GNPNAT1: variants seen among roughly 807,000 people sequenced by gnomAD.
GNPNAT1 encodes glucosamine-phosphate N-acetyltransferase 1.
A neutral mutation model predicts 19.8 loss-of-function variants in GNPNAT1; 11 were observed. The observed-to-expected ratio is 0.56, with a 90% confidence interval of 0.35 to 0.92. GNPNAT1 has a LOEUF of 0.92. GNPNAT1 is among the 40% of genes least tolerant of loss of function. The pLI is 0.01. For missense variants in GNPNAT1, 157 were observed against 211.0 expected (o/e 0.74, Z 1.59); for synonymous variants, 71 against 72.3 (o/e 0.98, Z 0.09).
At position 52,777,906 on chromosome 14, in the gene GNPNAT1, AAT is replaced by A. The variant is rs1882776645; in HGVS notation, c.*403_*404del. ...TATTGAGATGTTTCTTTGAAACAAA[AAT>A]ATTTAATTTTATGCATGTGATAAAC... On this transcript the variant is annotated 3_prime_UTR_variant, in exon 6 of 6. Coordinates refer to ENST00000216410, the MANE Select transcript of GNPNAT1 (RefSeq NM_198066.4). 6.5e-6 allele frequency: 1 copy of A among 153,258 alleles called. No individual in the cohort carries two copies. Among genetic ancestry groups the A allele is most frequent in the African/African-American group, 2.4e-5 (1 of 41,480 alleles). 9.5% of individuals were successfully genotyped at this position (153,258 alleles called of 1,614,324 possible). A position where few individuals can be genotyped will look rare whatever the true frequency, so the allele number is the denominator to read the frequency against.
At chr14:52,785,219 C>T (rs953695519) in intron 1 of GNPNAT1, among the ~76,000 whole-genome samples, 3 of 151,692 alleles carry the variant, frequency 2.0e-5, no homozygotes, top group Admixed American at 2.0e-4. Flanking sequence ...TGAGCCACTG[C>T]GCCCGGCTAT....
rs749331622 is a variant in GNPNAT1 at position 52,784,502 on chromosome 14, T to C, written c.149A>G (p.Asn50Ser). ...CACAGGATTTTGTACATTACCTCTA[T>C]TTAAGTCAGCAGTACAAAGAGGCCT... ...VLRPLCTADLNRGFFKVLGQL... is the reference protein window; with the variant it reads ...VLRPLCTADLSRGFFKVLGQL... Residue 50 changes from asparagine (N) to serine (S), a missense_variant, in exon 2 of 6, where the codon AAT becomes AGT. By Grantham distance (46) the Asn-to-Ser change is conservative. Coordinates refer to ENST00000216410, the MANE Select transcript of GNPNAT1 (RefSeq NM_198066.4). 6.4e-7 allele frequency: 1 copy of C among 1,572,968 alleles called. No homozygotes were observed. The highest frequency in any genetic ancestry group is 2.0e-5 in the Admixed American group (1 of 50,214).
intron 1 of GNPNAT1, among the ~76,000 whole-genome samples, chr14:52,787,012 A>G (rs1323538806): frequency 6.6e-6 from 1 of 151,980 alleles, no homozygotes; most frequent in Non-Finnish European, 1.5e-5. Context: ...CAATATTTTA[A>G]ATAATTTTGT....
At chr14:52,789,312 A>G (rs1883096887) in intron 1 of GNPNAT1, among the ~76,000 whole-genome samples, 1 of 152,216 alleles carries the variant, frequency 6.6e-6, no homozygotes, top group Non-Finnish European at 1.5e-5. Flanking sequence ...GCTCTTAACC[A>G]TTACACTGAA....
intron 1 of GNPNAT1, chr14:52,787,692 T>C (rs890073611): frequency 1.3e-5 from 2 of 152,132 alleles, no homozygotes; most frequent in African/African-American, 4.8e-5. Context: ...GAGATGAAAT[T>C]ACTGGGAGAA....
intron 1 of GNPNAT1, among the ~76,000 whole-genome samples, chr14:52,784,872 CTAAG>C (rs1296354951): frequency 2.0e-5 from 3 of 150,608 alleles, no homozygotes; most frequent in South Asian, 4.2e-4. Context: ...AAAAAAATGG[CTAAG>C]TGACTAAATT....
At chr14:52,784,038 C>A (rs1882954785) in intron 2 of GNPNAT1, among the ~76,000 whole-genome samples, 1 of 152,050 alleles carries the variant, frequency 6.6e-6, no homozygotes, top group South Asian at 2.1e-4. Flanking sequence ...GGCTGTCTAG[C>A]AAAGAGATAA....
chr14:52,779,366 T>C lies in GNPNAT1; in HGVS notation c.408-908A>G, dbSNP rs561666375. On this transcript the variant is annotated intron_variant, in intron 5 of 5. Transcript: ENST00000216410. Reference sequence around the variant, plus strand: ...TAGAGGATAAAAACTATAAAAGATATACAAACTTGAAGGGTCTGCCCATGT... The same window carrying C: ...TAGAGGATAAAAACTATAAAAGATACACAAACTTGAAGGGTCTGCCCATGT... Among the ~76,000 whole-genome samples the C allele has an allele frequency of 5.9e-5, 9 of 152,096 alleles. No homozygotes were observed. In the South Asian group the frequency reaches 1.2e-3, roughly 21 times the overall value.
Position 52,778,077 on chromosome 14 carries a change from A to G in GNPNAT1, c.*234T>C, listed in dbSNP as rs1566686883. 3.5e-6 allele frequency: 1 copy of G among 285,470 alleles called. No individual in the cohort carries two copies. Among genetic ancestry groups the G allele is most frequent in the Non-Finnish European group, 6.4e-6 (1 of 155,928 alleles). The allele number at this position is 285,470 out of a possible 1,614,324, so 17.7% of individuals were successfully genotyped here. On this transcript the variant is annotated 3_prime_UTR_variant, in exon 6 of 6. Coordinates refer to ENST00000216410, the MANE Select transcript of GNPNAT1 (RefSeq NM_198066.4). ...GCAAGAAAAGATTCAAGTTAAAAAT[A>G]TATTCCTTTGGTTAAAAATCATCCC...
At chr14:52,788,516 A>C (rs1443157943) in intron 1 of GNPNAT1, among the ~76,000 whole-genome samples, 6 of 152,294 alleles carry the variant, frequency 3.9e-5, no homozygotes, top group African/African-American at 1.2e-4. Context: ...TTTGTGTGTA[A>C]TCTCATCTGA....
intron 5 of GNPNAT1, among the ~76,000 whole-genome samples, chr14:52,778,827 G>A (rs1317513769): frequency 6.6e-6 from 1 of 151,942 alleles, no homozygotes; most frequent in South Asian, 2.1e-4. Context: ...CACCAGCCTG[G>A]GAAACACGGC....
chr14:52,776,386 A>G lies in GNPNAT1; in HGVS notation c.*1925T>C, dbSNP rs1310654918. On this transcript the variant is annotated 3_prime_UTR_variant, in exon 6 of 6. Coordinates refer to ENST00000216410, the MANE Select transcript of GNPNAT1 (RefSeq NM_198066.4). ...TTGTCCTCAATGACACAATTTTTGT[A>G]TGGTGTACCTTACCTGTAATTCTAT... is the stretch of plus-strand genomic sequence containing the variant. The G allele has an allele frequency of 1.3e-5, 2 of 152,230 alleles. No individual in the cohort carries two copies. The highest frequency in any genetic ancestry group is 1.9e-4 in the East Asian group (1 of 5,204). 9.4% of individuals were successfully genotyped at this position (152,230 alleles called of 1,614,324 possible).
chr14:52,780,131 C>A (rs562935942), intron 5 of GNPNAT1, among the ~76,000 whole-genome samples: 18 of 152,260 alleles, frequency 1.2e-4, no homozygotes, highest in Non-Finnish European at 1.8e-4. Flanking sequence ...AGCCACTGCA[C>A]CTCAGCCTGG....
At position 52,781,908 on chromosome 14, in the gene GNPNAT1, G is replaced by T. The variant is rs780374446; in HGVS notation, c.221C>A (p.Ser74Tyr). Residue 74 changes from serine to tyrosine, a missense_variant, in exon 4 of 6, where the codon TCT (serine) becomes TAT (tyrosine). Coordinates refer to ENST00000216410, the MANE Select transcript of GNPNAT1 (RefSeq NM_198066.4). ...GVVSPEQFMK[S>Y]FEHMKKSGDY... ...CCCAGATTTCTTCATATGCTCAAAA[G>T]ATTCTGTGGAAATTGGATAACAAAG... 3 of 1,602,370 alleles carry T rather than the reference G, an allele frequency of 1.9e-6. No individual in the cohort carries two copies. In the South Asian group the frequency reaches 3.4e-5, roughly 18 times the overall value.
In GNPNAT1 at chr14:52,775,782, T is replaced by G. The variant is rs1490438517; in HGVS notation, c.*2529A>C. 6.6e-6 allele frequency: 1 copy of G among 152,420 alleles called. No homozygotes were observed. Among genetic ancestry groups the G allele is most frequent in the Non-Finnish European group, 1.5e-5 (1 of 68,362 alleles). 9.4% of individuals were successfully genotyped at this position (152,420 alleles called of 1,614,324 possible). On this transcript the variant is annotated 3_prime_UTR_variant, in exon 6 of 6. Coordinates refer to ENST00000216410, the MANE Select transcript of GNPNAT1 (RefSeq NM_198066.4). ...CTGTAGTTCCAGCTACTGGGGAGGC[T>G]GAGGCAGGAGGGATGGCTTGAACCC...
chr14:52,780,752 T>C lies in GNPNAT1; in HGVS notation c.346-12A>G. Reference sequence around the variant, plus strand: ...TCTACTCTTCCTCTCTGAAAATATTTACAATGTTTAAAGGAGTAAGCATTT... The same window carrying C: ...TCTACTCTTCCTCTCTGAAAATATTCACAATGTTTAAAGGAGTAAGCATTT... On this transcript the variant is annotated splice_polypyrimidine_tract_variant and intron_variant, in intron 4 of 5. Coordinates refer to ENST00000216410, the MANE Select transcript of GNPNAT1 (RefSeq NM_198066.4). 1.3e-6 allele frequency: 2 copies of C among 1,554,540 alleles called. No homozygotes were observed. The highest frequency in any genetic ancestry group is 1.8e-6 in the Non-Finnish European group (2 of 1,127,138).
intron 5 of GNPNAT1, 26 bp from the exon 6 acceptor site, chr14:52,778,484 G>A (rs768657167): frequency 6.4e-7 from 1 of 1,572,818 alleles, no homozygotes; most frequent in South Asian, 1.2e-5. Context: ...GGGGTAGGGT[G>A]AGGAGATAGC....
At chr14:52,785,693 C>G (rs148483875) in intron 1 of GNPNAT1, among the ~76,000 whole-genome samples, 1 of 150,928 alleles carries the variant, frequency 6.6e-6, no homozygotes, top group Admixed American at 6.6e-5. Flanking sequence ...CCATTGCACT[C>G]CAGCCTGGGC....
intron 5 of GNPNAT1, among the ~76,000 whole-genome samples, chr14:52,780,063 G>A (rs564127915): frequency 1.3e-5 from 2 of 152,130 alleles, no homozygotes; most frequent in Non-Finnish European, 2.9e-5. Context: ...CAGCTAATTG[G>A]GGGGCTGAAG....
Sources: gnomAD v4.1 joint callset for allele counts (sites outside exome capture counted in the v4.1 genomes callset) on GRCh38, gnomAD v4.1.1 for gene constraint, MANE v1.5 for transcripts, NCBI Gene and HGNC (gene_info 2026-07-23, HGNC 2026-07-21) for gene names.